Variants in GAD2 observed in about 807,000 individuals in gnomAD.
GAD2 encodes the protein glutamate decarboxylase 2, also known as 65 kDa glutamic acid decarboxylase.
GAD2 carries 22 observed loss-of-function variants against 80.1 expected under a neutral mutation model. That is an observed-to-expected ratio of 0.27 (90% CI 0.20 to 0.39). GAD2 has a LOEUF of 0.39. Ranked by LOEUF, GAD2 falls within the 10% of genes least tolerant of loss-of-function variation. The probability of loss-of-function intolerance (pLI) is 1.00; values close to 1 mark genes in which losing one functional copy is unlikely to be tolerated. For missense variants in GAD2, 624 were observed against 738.4 expected, an observed-to-expected ratio of 0.85 and a Z score of 1.80; for synonymous variants, 274 against 256.9, an observed-to-expected ratio of 1.07 and a Z score of -0.64.
chr10:26,242,880 T>A (rs189931921), intron 7 of GAD2, among the ~76,000 whole-genome samples: 2 of 152,204 alleles, frequency 1.3e-5, no homozygotes, highest in African/African-American at 4.8e-5. Context: ...TTTTGCAGTT[T>A]AGTGCTTAAG....
intron 14 of GAD2, 48 bp from the exon 15 acceptor site, chr10:26,292,854 A>T: frequency 6.6e-7 from 1 of 1,504,250 alleles, no homozygotes; most frequent in East Asian, 2.3e-5. Flanking sequence ...TGGAATTTTC[A>T]AAATTGCCAG....
At chr10:26,276,559 T>A (rs1845209637) in intron 11 of GAD2, among the ~76,000 whole-genome samples, 1 of 152,070 alleles carries the variant, frequency 6.6e-6, no homozygotes, top group African/African-American at 2.4e-5. Context: ...TTTGTTTGTT[T>A]GTATTTTTAG....
At chr10:26,300,258 G>A (rs1038974501) in intron 15 of GAD2, among the ~76,000 whole-genome samples, 2 of 152,082 alleles carry the variant, frequency 1.3e-5, no homozygotes, top group East Asian at 3.9e-4. Flanking sequence ...CATTATTAAG[G>A]ATTATCTTTC....
chr10:26,282,982 T>C (rs1329513115), intron 12 of GAD2, among the ~76,000 whole-genome samples: 1 of 152,228 alleles, frequency 6.6e-6, no homozygotes, highest in Non-Finnish European at 1.5e-5. Flanking sequence ...AGACCTCAAC[T>C]ATAATTACTT....
At chr10:26,220,923 G>C (rs932419536) in intron 4 of GAD2, among the ~76,000 whole-genome samples, 2 of 152,116 alleles carry the variant, frequency 1.3e-5, no homozygotes, top group African/African-American at 4.8e-5. Context: ...CTTACATTTT[G>C]CCATAATGCT....
rs766533308 is a variant in GAD2 at position 26,292,452 on chromosome 10, T to A, written c.1387-13T>A. ...TTAGCCTGCTTAATGAGCTGTGTCC[T>A]TCTCTTACCTAGGGGACTACCGGGT... On this transcript the variant is annotated splice_polypyrimidine_tract_variant and intron_variant, in intron 13 of 15. Transcript: ENST00000376261. 1.6e-5 allele frequency: 25 copies of A among 1,604,564 alleles called. No individual in the cohort carries two copies. In the East Asian group the frequency reaches 5.6e-4, roughly 36 times the overall value.
At chr10:26,225,634 G>A (rs1844511605) in intron 6 of GAD2, among the ~76,000 whole-genome samples, 1 of 152,078 alleles carries the variant, frequency 6.6e-6, no homozygotes, top group African/African-American at 2.4e-5. Context: ...GCGGGGATAG[G>A]GGAGAAAAGA....
intron 5 of GAD2, 70 bp from the exon 6 acceptor site, chr10:26,224,469 A>T: frequency 3.3e-6 from 3 of 897,342 alleles, no homozygotes; most frequent in Non-Finnish European, 1.9e-6. Flanking sequence ...ATAGTTCTGT[A>T]GCTATTGTAA....
chr10:26,284,606 C>T (rs1428457914), intron 12 of GAD2, among the ~76,000 whole-genome samples: 1 of 121,118 alleles, frequency 8.3e-6, no homozygotes, highest in Admixed American at 1.1e-4. Flanking sequence ...GTCTCTTTCT[C>T]TGTCGCCTAG....
At chr10:26,279,447 G>A (rs1486255516) in intron 11 of GAD2, among the ~76,000 whole-genome samples, 2 of 152,178 alleles carry the variant, frequency 1.3e-5, no homozygotes, top group African/African-American at 4.8e-5. Flanking sequence ...GACCTAAGGC[G>A]TAGCTGGGGC....
At chr10:26,296,667 T>C (rs974240511) in intron 15 of GAD2, among the ~76,000 whole-genome samples, 24 of 152,222 alleles carry the variant, frequency 1.6e-4, no homozygotes, top group African/African-American at 5.8e-4. Flanking sequence ...TCAAAAGGGC[T>C]GGTCTATTGA....
In GAD2 at chr10:26,268,927, G is replaced by A. The variant is rs534910539; in HGVS notation, c.921-192G>A. Among the ~76,000 whole-genome samples the A allele has an allele frequency of 9.2e-5, 14 of 152,286 alleles. No homozygotes were observed. In the East Asian group the frequency reaches 1.9e-3, roughly 21 times the overall value. On this transcript the variant is annotated intron_variant, in intron 8 of 15. Transcript: ENST00000376261. ...CAATACGGTCACAAGTCTGCAAAAC[G>A]TGCCAGAAATGATAGTCATGCCTCA...
intron 7 of GAD2, among the ~76,000 whole-genome samples, chr10:26,237,840 T>A (rs1844693677): frequency 1.3e-5 from 2 of 151,972 alleles, no homozygotes; most frequent in African/African-American, 4.8e-5. Context: ...AGACCCCACC[T>A]CTACAAAAAA....
intron 6 of GAD2, among the ~76,000 whole-genome samples, chr10:26,229,225 T>C (rs1034095210): frequency 6.6e-6 from 1 of 150,940 alleles, no homozygotes; most frequent in African/African-American, 2.4e-5. Context: ...ATTAGCAGCT[T>C]ACACCAGTAA....
intron 8 of GAD2, among the ~76,000 whole-genome samples, chr10:26,246,708 C>T (rs1217682720): frequency 1.3e-5 from 2 of 152,202 alleles, no homozygotes; most frequent in African/African-American, 4.8e-5. Flanking sequence ...CACCATGTCA[C>T]TAGGCTCTAG....
intron 6 of GAD2, among the ~76,000 whole-genome samples, chr10:26,228,770 C>A (rs1408586558): frequency 6.6e-6 from 1 of 152,148 alleles, no homozygotes; most frequent in Non-Finnish European, 1.5e-5. Flanking sequence ...TGAGGTGGAA[C>A]AGTTTCATCC....
chr10:26,271,293 T>C (rs1224996952), intron 10 of GAD2, among the ~76,000 whole-genome samples: 5 of 152,168 alleles, frequency 3.3e-5, no homozygotes, highest in African/African-American at 1.2e-4. Flanking sequence ...GCTAAGAAGA[T>C]AGATTATATT....
At chr10:26,228,955 C>T (rs554304605) in intron 6 of GAD2, among the ~76,000 whole-genome samples, 2 of 152,094 alleles carry the variant, frequency 1.3e-5, no homozygotes, top group South Asian at 2.1e-4. Context: ...TTTGGGAGGC[C>T]GAGGCGGGTG....
chr10:26,282,005 C>T (rs370055253), intron 12 of GAD2, among the ~76,000 whole-genome samples: 4 of 152,034 alleles, frequency 2.6e-5, no homozygotes, highest in Admixed American at 6.6e-5. Context: ...TGCAATGGTG[C>T]GATCTTGGCA....
Sources: gnomAD v4.1 joint callset for allele counts (sites outside exome capture counted in the v4.1 genomes callset) on GRCh38, gnomAD v4.1.1 for gene constraint, MANE v1.5 for transcripts, NCBI Gene and HGNC (gene_info 2026-07-23, HGNC 2026-07-21) for gene names.